Variants in RBFOX1 observed in about 807,000 individuals in gnomAD.
The protein encoded by RBFOX1 is RNA binding fox-1 homolog 1, also known as RNA binding protein fox-1 homolog 1.
A neutral mutation model predicts 57.7 loss-of-function variants in RBFOX1; 8 were observed. That is an observed-to-expected ratio of 0.14 (90% CI 0.08 to 0.25). RBFOX1 has a LOEUF of 0.25. Among genes scored for constraint, RBFOX1 ranks in the 10% least tolerant of loss-of-function variants. The probability of loss-of-function intolerance (pLI) is 1.00; values close to 1 mark genes in which losing one functional copy is unlikely to be tolerated. For missense variants in RBFOX1, 611 were observed against 548.5 expected (o/e 1.11, Z -1.14); for synonymous variants, 326 against 222.4 (o/e 1.47, Z -4.15).
intron 1 of RBFOX1, among the ~76,000 whole-genome samples, chr16:5,448,382 G>C (rs1158627489): frequency 2.0e-5 from 3 of 152,156 alleles, no homozygotes; most frequent in Non-Finnish European, 4.4e-5. Context: ...GGTATGTTTG[G>C]GACATTATGC....
At chr16:6,001,226 T>C (rs766448459) in intron 4 of RBFOX1, among the ~76,000 whole-genome samples, 26 of 152,210 alleles carry the variant, frequency 1.7e-4, no homozygotes, top group Non-Finnish European at 3.5e-4. Context: ...AGCCTGGAGC[T>C]CTCCAGTGGC....
At chr16:7,022,614 C>G (rs191332106) in intron 3 of RBFOX1, among the ~76,000 whole-genome samples, 185 of 152,170 alleles carry the variant, frequency 1.2e-3, no homozygotes, top group African/African-American at 4.3e-3. Flanking sequence ...TGTTGTGAGC[C>G]AAGCACTGCA....
Position 7,504,709 on chromosome 16 carries a change from T to TTA in RBFOX1, c.28-13394_28-13393dup, listed in dbSNP as rs1181491515. 2.1e-4 allele frequency among the ~76,000 whole-genome samples: 16 copies of TTA among 74,522 alleles called. 1 individual carries two copies. The highest frequency in any genetic ancestry group is 8.8e-4 in the African/African-American group (8 of 9,118). The allele number at this position is 74,522 out of a possible 152,430, so 48.9% of individuals were successfully genotyped here. A position where few individuals can be genotyped will look rare whatever the true frequency, so the allele number is the denominator to read the frequency against. ...TAGCTCCTGTGGAGATGAAGTGAGA[T>TTA]TATATATATATATATATATATATAT... On this transcript the variant is annotated intron_variant, in intron 4 of 15. Coordinates refer to ENST00000550418, the MANE Select transcript of RBFOX1 (RefSeq NM_018723.4).
intron 4 of RBFOX1, among the ~76,000 whole-genome samples, chr16:7,244,013 T>C (rs1212856278): frequency 6.6e-6 from 1 of 152,100 alleles, no homozygotes; most frequent in East Asian, 1.9e-4. Context: ...GTTCATAGCT[T>C]TTAAATCAAT....
At chr16:6,268,739 A>G (rs531332062) in intron 1 of RBFOX1, among the ~76,000 whole-genome samples, 1 of 152,240 alleles carries the variant, frequency 6.6e-6, no homozygotes, top group Non-Finnish European at 1.5e-5. Flanking sequence ...AGAAACACAC[A>G]ACACACAAAC....
intron 2 of RBFOX1, among the ~76,000 whole-genome samples, chr16:6,402,756 T>G (rs1361884475): frequency 6.6e-6 from 1 of 152,190 alleles, no homozygotes; most frequent in Non-Finnish European, 1.5e-5. Context: ...ATTGATATTT[T>G]TATATTATTA....
In RBFOX1 at chr16:6,837,395, A is replaced by C. The variant is rs564885950; in HGVS notation, c.-16+182745A>C. On this transcript the variant is annotated intron_variant, in intron 3 of 15. Transcript: ENST00000550418. ...GTTCTCCGCAATGGTAGTGACTTCC[A>C]ATCACGGTCCACCAGCTAGAGCTGA... is the stretch of plus-strand genomic sequence containing the variant. Among the ~76,000 whole-genome samples, 3 of 152,336 alleles carry C rather than the reference A, an allele frequency of 2.0e-5. No individual in the cohort carries two copies. In the South Asian group the frequency reaches 6.2e-4, roughly 32 times the overall value.
At chr16:7,458,787 C>T (rs910762523) in intron 4 of RBFOX1, among the ~76,000 whole-genome samples, 3 of 152,160 alleles carry the variant, frequency 2.0e-5, no homozygotes, top group Non-Finnish European at 4.4e-5. Flanking sequence ...ACCCCCTCTT[C>T]ACTCCCACAC....
chr16:6,286,495 G>A (rs2076920918), intron 1 of RBFOX1, among the ~76,000 whole-genome samples: 1 of 152,202 alleles, frequency 6.6e-6, no homozygotes, highest in South Asian at 2.1e-4. Context: ...TACCTACCTT[G>A]CAAGATTGTT....
intron 3 of RBFOX1, among the ~76,000 whole-genome samples, chr16:6,815,971 G>T (rs1030611012): frequency 2.0e-5 from 3 of 152,152 alleles, no homozygotes; most frequent in African/African-American, 7.2e-5. Context: ...TAATATTAAG[G>T]TTGGCAAATC....
At chr16:6,560,174 CAA>C (rs5815323) in intron 2 of RBFOX1, among the ~76,000 whole-genome samples, 10,261 of 121,392 alleles carry the variant, frequency 0.085, 728 homozygotes, top group African/African-American at 0.21. Flanking sequence ...TGCCATTTAT[CAA>C]AAAAAAAAAA....
chr16:7,437,265 C>A (rs1192776178), intron 4 of RBFOX1, among the ~76,000 whole-genome samples: 1 of 142,170 alleles, frequency 7.0e-6, no homozygotes, highest in African/African-American at 2.5e-5. Flanking sequence ...CCCCCCCTTT[C>A]TGTTATATTA....
chr16:6,653,817 G>C (rs975164896), intron 2 of RBFOX1, among the ~76,000 whole-genome samples: 1 of 151,496 alleles, frequency 6.6e-6, no homozygotes, highest in Non-Finnish European at 1.5e-5. Flanking sequence ...CGGATGAATG[G>C]GAGAAGGATG....
intron 3 of RBFOX1, among the ~76,000 whole-genome samples, chr16:5,763,783 C>G (rs1366793401): frequency 1.3e-5 from 2 of 152,220 alleles, no homozygotes; most frequent in Admixed American, 6.5e-5. Context: ...TCATCACTTC[C>G]TTTCTCATTG....
intron 4 of RBFOX1, among the ~76,000 whole-genome samples, chr16:7,431,726 G>T (rs1383696489): frequency 1.3e-5 from 2 of 152,096 alleles, no homozygotes; most frequent in African/African-American, 4.8e-5. Flanking sequence ...TTAGCCTCTG[G>T]CAATTGCTAC....
rs571819072 is a variant in RBFOX1 at position 5,423,597 on chromosome 16, A to G, written c.220-43619A>G. ...GCCATTGCTGCGTGTCTGTGAGGCCATTGCTGCCTGTCTGTGAGCAGGGGC... is the reference window on the plus strand; with the variant it reads ...GCCATTGCTGCGTGTCTGTGAGGCCGTTGCTGCCTGTCTGTGAGCAGGGGC... On this transcript the variant is annotated intron_variant, in intron 1 of 2. Coordinates refer to the RBFOX1 transcript ENST00000585867. Among the ~76,000 whole-genome samples the G allele has an allele frequency of 8.9e-4, 135 of 152,164 alleles. 1 individual carries two copies. The highest frequency in any genetic ancestry group is 1.8e-4 in the Non-Finnish European group (12 of 68,004).
At chr16:5,861,273 T>A (rs2151886709) in intron 3 of RBFOX1, among the ~76,000 whole-genome samples, 1 of 152,306 alleles carries the variant, frequency 6.6e-6, no homozygotes, top group Non-Finnish European at 1.5e-5. Flanking sequence ...GTTGGCTACA[T>A]GCTTACACCC....
At chr16:6,162,087 G>A (rs1597928782) in intron 1 of RBFOX1, among the ~76,000 whole-genome samples, 1 of 152,304 alleles carries the variant, frequency 6.6e-6, no homozygotes, top group East Asian at 1.9e-4. Context: ...TTCACACAAT[G>A]CAGATTTCCA....
intron 1 of RBFOX1, among the ~76,000 whole-genome samples, chr16:6,260,487 A>G (rs2097695160): frequency 6.6e-6 from 1 of 152,182 alleles, no homozygotes; most frequent in Non-Finnish European, 1.5e-5. Flanking sequence ...GTGGAACAGA[A>G]TGGTAGAGAG....
Sources: allele counts gnomAD v4.1 joint callset (sites outside exome capture counted in the v4.1 genomes callset), GRCh38; gene constraint gnomAD v4.1.1; transcripts MANE v1.5; gene names NCBI Gene and HGNC (gene_info 2026-07-23, HGNC 2026-07-21).